NEXMIF: variants seen among roughly 807,000 people sequenced by gnomAD.
NEXMIF encodes neurite extension and migration factor.
Under a neutral mutation model 62.1 loss-of-function variants are expected in NEXMIF, and 8 were observed. The observed-to-expected ratio is 0.13, with a 90% confidence interval of 0.08 to 0.23. The LOEUF is 0.23. NEXMIF is among the 10% of genes least tolerant of loss of function. The pLI is 1.00. For missense variants in NEXMIF, 976 were observed against 1,113.3 expected (o/e 0.88, Z 1.75); for synonymous variants, 404 against 416.6 (o/e 0.97, Z 0.37).
chrX:74,878,227 G>T (rs763906352), intron 1 of NEXMIF, among the ~76,000 whole-genome samples: 8 of 111,773 alleles, frequency 7.2e-5, no homozygotes, highest in African/African-American at 9.8e-5. Context: ...CTCAGCTGCA[G>T]GTCTGTTGGA....
intron 1 of NEXMIF, among the ~76,000 whole-genome samples, chrX:74,856,199 T>C (rs2080534322): frequency 1.8e-5 from 2 of 111,846 alleles, no homozygotes; most frequent in Admixed American, 1.9e-4. Flanking sequence ...GAAAACAATG[T>C]CTCACCAAAT....
At chrX:74,767,415 G>A (rs2080198109) in intron 1 of NEXMIF, among the ~76,000 whole-genome samples, 1 of 111,781 alleles carries the variant, frequency 8.9e-6, no homozygotes, top group African/African-American at 3.3e-5. Context: ...GTATGGACTT[G>A]TTGCTGGCCT....
intron 1 of NEXMIF, among the ~76,000 whole-genome samples, chrX:74,874,418 A>G (rs2080619509): frequency 9.1e-6 from 1 of 110,047 alleles, no homozygotes; most frequent in Admixed American, 9.8e-5. Context: ...GTTTGAAGTC[A>G]GGTAGCGTGA....
intron 1 of NEXMIF, among the ~76,000 whole-genome samples, chrX:74,771,109 A>G (rs1423068465): frequency 8.9e-6 from 1 of 112,097 alleles, no homozygotes; most frequent in Non-Finnish European, 1.9e-5. Context: ...TTGTTTTAGT[A>G]TATTTATAAT....
intron 1 of NEXMIF, among the ~76,000 whole-genome samples, chrX:74,828,101 T>C (rs1014704528): frequency 8.9e-5 from 10 of 111,857 alleles, no homozygotes; most frequent in African/African-American, 3.2e-4. Context: ...ATTACTGGCA[T>C]CTTTCAGCAT....
At chrX:74,816,253 C>T (rs1273548208) in intron 1 of NEXMIF, among the ~76,000 whole-genome samples, 1 of 111,433 alleles carries the variant, frequency 9.0e-6, no homozygotes, top group Non-Finnish European at 1.9e-5. Context: ...TGAGTCTTCC[C>T]AAGTGGACAG....
At chrX:74,887,928 A>G (rs2080702439) in intron 1 of NEXMIF, among the ~76,000 whole-genome samples, 1 of 112,465 alleles carries the variant, frequency 8.9e-6, no homozygotes, top group Non-Finnish European at 1.9e-5. Flanking sequence ...TGGATTAAGA[A>G]AATGTGGCAC....
At chrX:74,885,673 A>G (rs1004275214) in intron 1 of NEXMIF, among the ~76,000 whole-genome samples, 1 of 111,873 alleles carries the variant, frequency 8.9e-6, no homozygotes, top group Non-Finnish European at 1.9e-5. Context: ...CCAACCAAAA[A>G]AAGTCCAGGG....
At chrX:74,836,978 A>T (rs1038851638) in intron 1 of NEXMIF, among the ~76,000 whole-genome samples, 1 of 111,437 alleles carries the variant, frequency 9.0e-6, no homozygotes, top group Non-Finnish European at 1.9e-5. Flanking sequence ...GACTGATGGG[A>T]TGGATGATTG....
intron 1 of NEXMIF, among the ~76,000 whole-genome samples, chrX:74,844,390 A>AT (rs1421807094): frequency 1.8e-5 from 2 of 111,654 alleles, no homozygotes; most frequent in African/African-American, 6.5e-5. Flanking sequence ...CCAACCTGGG[A>AT]TTTTAAATGA....
chrX:74,851,815 GACAA>G (rs1010504098), intron 1 of NEXMIF, among the ~76,000 whole-genome samples: 3 of 111,275 alleles, frequency 2.7e-5, no homozygotes, highest in Non-Finnish European at 5.7e-5. Context: ...AGAGCAAACA[GACAA>G]ACAAGGACAA....
intron 1 of NEXMIF, among the ~76,000 whole-genome samples, chrX:74,892,177 A>T (rs1180519255): frequency 8.9e-6 from 1 of 112,505 alleles, no homozygotes; most frequent in Non-Finnish European, 1.9e-5. Context: ...CTACAGACCC[A>T]AAGAAATATT....
At chrX:74,776,588 G>A (rs758407900) in intron 1 of NEXMIF, among the ~76,000 whole-genome samples, 4 of 109,396 alleles carry the variant, frequency 3.7e-5, no homozygotes, top group East Asian at 2.9e-4. Context: ...TAACCTGGGC[G>A]TGGTGGCGGG....
chrX:74,900,474 A>AAAAAAAAG (rs776919178), intron 1 of NEXMIF, among the ~76,000 whole-genome samples: 4 of 106,008 alleles, frequency 3.8e-5, no homozygotes, highest in Admixed American at 2.2e-4. Context: ...AAAAAAAAAA[A>AAAAAAAAG]AAAAAGAAAA....
chrX:74,876,115 C>T (rs1172003005), intron 1 of NEXMIF, among the ~76,000 whole-genome samples: 3 of 110,993 alleles, frequency 2.7e-5, no homozygotes, highest in African/African-American at 9.9e-5. Context: ...CCTGCTTTCT[C>T]TTGTGGGCAT....
At chrX:74,887,229 C>G (rs1309404849) in intron 1 of NEXMIF, among the ~76,000 whole-genome samples, 2 of 111,688 alleles carry the variant, frequency 1.8e-5, no homozygotes, top group African/African-American at 3.3e-5. Context: ...CCATTCAGGA[C>G]ATAGGCATGG....
At chrX:74,844,849 G>A (rs2080486658) in intron 1 of NEXMIF, among the ~76,000 whole-genome samples, 1 of 112,272 alleles carries the variant, frequency 8.9e-6, no homozygotes, top group Admixed American at 9.4e-5. Flanking sequence ...ATACAAACAT[G>A]AGAGAACTAG....
chrX:74,920,819 C>T (rs1417222912), intron 1 of NEXMIF, among the ~76,000 whole-genome samples: 2 of 111,384 alleles, frequency 1.8e-5, no homozygotes, highest in Non-Finnish European at 3.8e-5. Flanking sequence ...ACTACTTTAG[C>T]ACTCAGGCCC....
At position 74,743,692 on chromosome X, in the gene NEXMIF, C is replaced by T; in HGVS notation, c.865G>A (p.Glu289Lys). Residue 289 changes from glutamate (E) to lysine (K), a missense_variant, in exon 3 of 4, where the codon GAA becomes AAA. Physicochemically the swap from Glu to Lys is moderately conservative, Grantham distance 56. Around this residue, in one of 5 missense-constraint regions of NEXMIF, gnomAD observed 45 missense variants for 86.8 expected, o/e 0.52. Coordinates refer to ENST00000055682, the MANE Select transcript of NEXMIF (RefSeq NM_001008537.3). ...NELSVNLFSE[E>K]DVDNYMFDDD... is the part of the protein sequence containing the mutation. ...TCAAACATGTAGTTATCCACATCTT[C>T]TTCAGAGAATAGGTTGACAGACAGC... 8.3e-7 allele frequency: 1 copy of T among 1,211,700 alleles called. No homozygotes were observed. The highest frequency in any genetic ancestry group is 1.1e-6 in the Non-Finnish European group (1 of 895,376).
Sources: gnomAD v4.1 joint callset for allele counts (sites outside exome capture counted in the v4.1 genomes callset) on GRCh38, gnomAD v4.1.1 for gene constraint, gnomAD v4.1.1 regional missense constraint, MANE v1.5 for transcripts, NCBI Gene and HGNC (gene_info 2026-07-23, HGNC 2026-07-21) for gene names.